KHNYN: variants seen among roughly 807,000 people sequenced by gnomAD.
KHNYN encodes the protein protein KHNYN.
In KHNYN, 42 loss-of-function variants were observed where a neutral mutation model predicts 62.7. The observed-to-expected ratio is 0.67, with a 90% CI of 0.52 to 0.87. The LOEUF (loss-of-function observed/expected upper bound fraction) is 0.87, where lower values mean the gene tolerates loss of function less well. Among genes scored for constraint, KHNYN ranks in the 40% least tolerant of loss-of-function variants. The pLI is 0.00. For synonymous variants in KHNYN, 347 were observed against 345.6 expected (o/e 1.00, Z -0.04); for missense variants, 829 against 874.1 (o/e 0.95, Z 0.65).
chr14:24,430,934 G>T lies in KHNYN; in HGVS notation c.201+3G>T. 1 of 1,609,804 alleles carries T rather than the reference G, an allele frequency of 6.2e-7. No homozygotes were observed. ...AGGAAAACGCCAGCAGAGCCAAGGTGAACGCCTTCTCTCCCCCATCCCTCC... is the reference window on the plus strand; with the variant it reads ...AGGAAAACGCCAGCAGAGCCAAGGTTAACGCCTTCTCTCCCCCATCCCTCC... On this transcript the variant is annotated splice_donor_region_variant and intron_variant, in intron 2 of 7. Coordinates refer to ENST00000553935, the MANE Select transcript of KHNYN (RefSeq NM_015299.3).
At position 24,437,259 on chromosome 14, in the gene KHNYN, G is replaced by A. The variant is rs1209155753; in HGVS notation, c.2011G>A (p.Glu671Lys). The A allele has an allele frequency of 5.0e-6, 8 of 1,613,996 alleles. No individual in the cohort carries two copies. The highest frequency in any genetic ancestry group is 5.9e-6 in the Non-Finnish European group (7 of 1,179,980). ...CTGCCGGGACATCAACCAACTGTCT[G>A]AGGCCCTGCTCAGTCTTAACTTTTG... is the stretch of plus-strand genomic sequence containing the variant. The part of the protein sequence containing the change: ...PYCRDINQLS[E>K]ALLSLNF The change falls in exon 8 of 8, where the codon GAG (glutamate) becomes AAG (lysine). Residue 671 changes from glutamate (E) to lysine (K), a missense_variant. Glu to Lys is a moderately conservative substitution (Grantham distance 56). Transcript: ENST00000553935. The surrounding 1 kb of genome is among the most constrained non-coding windows in gnomAD (Gnocchi z 5.5).
chr14:24,425,254 C>T (rs370966216), upstream of KHNYN, among the ~76,000 whole-genome samples: 7 of 152,296 alleles, frequency 4.6e-5, no homozygotes, highest in African/African-American at 1.7e-4. Flanking sequence ...AGCTAATTTC[C>T]CCTTCTTCCT....
Position 24,432,441 on chromosome 14 carries a change from C to A in KHNYN, c.1180C>A (p.Arg394=). 6.2e-7 allele frequency: 1 copy of A among 1,613,306 alleles called. No homozygotes were observed. Among genetic ancestry groups the A allele is most frequent in the Non-Finnish European group, 8.5e-7 (1 of 1,179,780 alleles). ...DRGDKQQGMA[R]GRGPQWKRGA... ...GGGAGACAAGCAGCAGGGCATGGCA[C>A]GGGGTCGGGGGCCTCAATGGAAACG... is the stretch of plus-strand genomic sequence containing the variant. Residue 394 remains arginine (R), a synonymous_variant, in exon 3 of 8, where the codon CGG becomes AGG. Transcript: ENST00000553935. The surrounding 1 kb of genome is among the most constrained non-coding windows in gnomAD (Gnocchi z 5.6).
rs759005993 is a variant in KHNYN at position 24,441,651 on chromosome 14, G to A, written c.*4366G>A. The stretch of plus-strand genomic sequence containing the variant: ...CCCCGTTCCCCTGGCGAATATAAGG[G>A]GCTGGTGATTTGGGGGGCGTACCTA... On this transcript the variant is annotated 3_prime_UTR_variant, in exon 8 of 8. Coordinates refer to ENST00000553935, the MANE Select transcript of KHNYN (RefSeq NM_015299.3). 1.3e-6 allele frequency: 2 copies of A among 1,564,138 alleles called. No homozygotes were observed. Among genetic ancestry groups the A allele is most frequent in the Non-Finnish European group, 1.7e-6 (2 of 1,158,602 alleles).
upstream of KHNYN, chr14:24,429,876 G>A (rs1402229753): frequency 3.9e-6 from 4 of 1,013,986 alleles, no homozygotes; most frequent in African/African-American, 3.5e-5. Flanking sequence ...TGGGCGCGGC[G>A]GCGGGGTTGG....
At chr14:24,435,200 T>G (rs1594757309) in intron 5 of KHNYN, among the ~76,000 whole-genome samples, 1 of 152,270 alleles carries the variant, frequency 6.6e-6, no homozygotes, top group East Asian at 1.9e-4. Flanking sequence ...GAGGAAATAG[T>G]TGGAGAAATA....
Position 24,430,754 on chromosome 14 carries a change from C to T in KHNYN, c.24C>T (p.Pro8=), listed in dbSNP as rs1429041285. Residue 8 remains proline (P), a synonymous_variant, in exon 2 of 8, where the codon CCC becomes CCT. Transcript: ENST00000553935. ...CCATGCCTACCTGGGGGGCCCGCCC[C>T]GCGTCCCCAGATCGCTTTGCGGTGT... MPTWGAR[P]ASPDRFAVSA... is the part of the protein sequence containing the mutation. 2.5e-6 allele frequency: 4 copies of T among 1,577,280 alleles called. No homozygotes were observed. The highest frequency in any genetic ancestry group is 2.3e-5 in the East Asian group (1 of 42,596).
rs771819077 is a variant in KHNYN at position 24,440,293 on chromosome 14, A to T, written c.*3008A>T. The stretch of plus-strand genomic sequence containing the variant: ...CCAAGGTCTGGGCAAACTCAGCATT[A>T]GTGGCGGAGGATGGAGCCACTCCAT... On this transcript the variant is annotated 3_prime_UTR_variant, in exon 8 of 8. Coordinates refer to ENST00000553935, the MANE Select transcript of KHNYN (RefSeq NM_015299.3). 2.5e-6 allele frequency: 4 copies of T among 1,613,996 alleles called. No individual in the cohort carries two copies. The South Asian group carries it at 4.4e-5, about 18-fold the overall frequency.
chr14:24,428,390 C>T (rs775038938), upstream of KHNYN: 9 of 1,613,874 alleles, frequency 5.6e-6, no homozygotes, highest in East Asian at 6.7e-5. Flanking sequence ...AAGCCACCGC[C>T]CTCGTTCACC....
In KHNYN at chr14:24,439,176, AACCT is replaced by A. The variant is rs1455360223; in HGVS notation, c.*1892_*1895del. 2 of 150,388 alleles carry A rather than the reference AACCT, an allele frequency of 1.3e-5. No individual in the cohort carries two copies. The highest frequency in any genetic ancestry group is 3.0e-5 in the Non-Finnish European group (2 of 67,714). 9.3% of individuals were successfully genotyped at this position (150,388 alleles called of 1,614,324 possible). A position where few individuals can be genotyped will look rare whatever the true frequency, so the allele number is the denominator to read the frequency against. ...GTAGGTAAAAAGGGTCCTAGATGAAAACCTTGGAGTTTTTTTTTTTCCTGATAGG... is the reference window on the plus strand; with the variant it reads ...GTAGGTAAAAAGGGTCCTAGATGAAATGGAGTTTTTTTTTTTCCTGATAGG... On this transcript the variant is annotated 3_prime_UTR_variant, in exon 8 of 8. Transcript: ENST00000553935.
chr14:24,433,052 C>T lies in KHNYN; in HGVS notation c.1577+20C>T. 5 of 1,600,880 alleles carry T rather than the reference C, an allele frequency of 3.1e-6. No homozygotes were observed. Among genetic ancestry groups the T allele is most frequent in the Non-Finnish European group, 4.3e-6 (5 of 1,168,140 alleles). ...TGACAGGTACTTGCTCCTCTCCTGG[C>T]CCCAGGCTTGATATTGAAGGAGCCC... On this transcript the variant is annotated intron_variant, in intron 5 of 7. Coordinates refer to ENST00000553935, the MANE Select transcript of KHNYN (RefSeq NM_015299.3).
At chr14:24,431,002 C>G in intron 2 of KHNYN, 71 bp downstream of exon 2, 1 of 1,433,412 alleles carries the variant, frequency 7.0e-7, no homozygotes, top group Non-Finnish European at 9.5e-7. Flanking sequence ...GAGAGCAGGG[C>G]CGAGGAGAGC....
In KHNYN at chr14:24,430,803, CG is replaced by C. The variant is rs755820070; in HGVS notation, c.76del (p.Glu26AsnfsTer14). On this transcript the variant is annotated frameshift_variant, in exon 2 of 8. Transcript: ENST00000553935. LOFTEE classifies it high-confidence loss of function. ...GTCTGCGGAGGCTGAGAACAAGGTT[CG>C]GGAACAGCAGCCCCATGTGGAGCGC... ...AVSAEAENKV[R>X]EQQPHVERIF... 1 of 1,610,352 alleles carries C rather than the reference CG, an allele frequency of 6.2e-7. No individual in the cohort carries two copies. Among genetic ancestry groups the C allele is most frequent in the Non-Finnish European group, 8.5e-7 (1 of 1,178,396 alleles).
chr14:24,427,769 T>C, upstream of KHNYN: 1 of 1,612,874 alleles, frequency 6.2e-7, no homozygotes, highest in Non-Finnish European at 8.5e-7. The surrounding 1 kb of genome is among the most constrained non-coding windows in gnomAD (Gnocchi z 4.4). Context: ...TGGATTCTTG[T>C]GCTTGAAAGA....
In KHNYN at chr14:24,433,138, T is replaced by A. The variant is rs1195029381; in HGVS notation, c.1577+106T>A. The A allele has an allele frequency of 5.5e-6, 6 of 1,095,174 alleles. No homozygotes were observed. In the East Asian group the frequency reaches 1.4e-4, roughly 26 times the overall value. The allele number at this position is 1,095,174 out of a possible 1,614,324, so 67.8% of individuals were successfully genotyped here. On this transcript the variant is annotated intron_variant, in intron 5 of 7. Coordinates refer to ENST00000553935, the MANE Select transcript of KHNYN (RefSeq NM_015299.3). ...GGTTTACGCTGTTTCTAAGCCTTGG[T>A]GGTGGGTAAGGGGCCAGTTATTCCT...
intron 1 of KHNYN, chr14:24,430,446 C>A: frequency 7.9e-7 from 1 of 1,266,020 alleles, no homozygotes; most frequent in Non-Finnish European, 1.0e-6. Flanking sequence ...GCCCCCCCAC[C>A]CTTCTTGCTC....
upstream of KHNYN, chr14:24,428,743 T>C: frequency 6.4e-7 from 1 of 1,570,598 alleles, no homozygotes; most frequent in Non-Finnish European, 8.7e-7. Flanking sequence ...TGGACAGGGG[T>C]AGGGGGATTA....
chr14:24,435,293 A>T (rs1331257977), intron 5 of KHNYN, among the ~76,000 whole-genome samples: 1 of 152,162 alleles, frequency 6.6e-6, no homozygotes, highest in Non-Finnish European at 1.5e-5. Flanking sequence ...GGGTTAGGGA[A>T]TATTGGGAGA....
chr14:24,424,701 GT>G (rs1294783990), upstream of KHNYN, among the ~76,000 whole-genome samples: 2 of 152,346 alleles, frequency 1.3e-5, no homozygotes, highest in African/African-American at 4.8e-5. Flanking sequence ...TTGGCTTGCA[GT>G]TGTTGGCTTG....
Sources: allele counts gnomAD v4.1 joint callset (sites outside exome capture counted in the v4.1 genomes callset), GRCh38; gene constraint gnomAD v4.1.1; non-coding constraint Gnocchi (gnomAD v3.1); transcripts MANE v1.5; gene names NCBI Gene and HGNC (gene_info 2026-07-23, HGNC 2026-07-21).